TBL3: variants seen among roughly 807,000 people sequenced by gnomAD.
TBL3 encodes transducin beta like 3.
A neutral mutation model predicts 102.7 loss-of-function variants in TBL3; 71 were observed. The ratio of observed to expected loss-of-function variants is 0.69; its 90% confidence interval spans 0.57 to 0.84. The LOEUF (loss-of-function observed/expected upper bound fraction) is 0.84, where lower values mean the gene tolerates loss of function less well. Among genes scored for constraint, TBL3 ranks in the 40% least tolerant of loss-of-function variants. The probability of loss-of-function intolerance (pLI) is 0.00; values close to 1 mark genes in which losing one functional copy is unlikely to be tolerated. For synonymous variants in TBL3, 578 were observed against 477.7 expected (o/e 1.21, Z -2.74); for missense variants, 1,188 against 1,098.5 (o/e 1.08, Z -1.15).
In TBL3 at chr16:1,975,336, C is replaced by T. The variant is rs201960826; in HGVS notation, c.712-9C>T. ...CATGATAGCAGCCTGTGACCCAATT[C>T]GTCTCCAGAGCGTGGAGGCTGCTGT... On this transcript the variant is annotated splice_polypyrimidine_tract_variant and intron_variant, in intron 8 of 21. Transcript: ENST00000568546. The T allele has an allele frequency of 1.8e-4, 283 of 1,614,026 alleles. No individual in the cohort carries two copies. The highest frequency in any genetic ancestry group is 1.5e-3 in the Admixed American group (89 of 60,026).
At position 1,979,286 on chromosome 16, in the gene TBL3, G is replaced by A; in HGVS notation, c.*601G>A. 1.9e-6 allele frequency: 3 copies of A among 1,558,962 alleles called. No individual in the cohort carries two copies. Among genetic ancestry groups the A allele is most frequent in the Admixed American group, 1.8e-5 (1 of 55,088 alleles). On this transcript the variant is annotated 3_prime_UTR_variant, in exon 22 of 22. Coordinates refer to ENST00000568546, the MANE Select transcript of TBL3 (RefSeq NM_006453.3). ...CTCCACGGAACCCCGTCCCGCTCAG[G>A]AGAGCGCCCAGCCCTTCCGGCCGCA...
Position 1,980,793 on chromosome 16 carries a change from G to C in TBL3, c.*2108G>C, listed in dbSNP as rs1166229961. On this transcript the variant is annotated 3_prime_UTR_variant, in exon 22 of 22. Transcript: ENST00000568546. ...CCACTGTGCACCCTTGAGAGGGCGGGGTCCCTCACCCGGATGGCAGGGGCT... is the reference window on the plus strand; with the variant it reads ...CCACTGTGCACCCTTGAGAGGGCGGCGTCCCTCACCCGGATGGCAGGGGCT... 2 of 1,516,576 alleles carry C rather than the reference G, an allele frequency of 1.3e-6. No homozygotes were observed. The highest frequency in any genetic ancestry group is 3.8e-5 in the Admixed American group (2 of 52,172). 93.9% of individuals were successfully genotyped at this position (1,516,576 alleles called of 1,614,324 possible).
In TBL3 at chr16:1,979,581, A is replaced by C; in HGVS notation, c.*896A>C. ...GTGTTTGGAGTCACCGCGGGGCCAC[A>C]GAGGACGAGGCCCGCCCGCACCCTT... On this transcript the variant is annotated 3_prime_UTR_variant, in exon 22 of 22. Coordinates refer to ENST00000568546, the MANE Select transcript of TBL3 (RefSeq NM_006453.3). The C allele has an allele frequency of 6.6e-7, 1 of 1,524,702 alleles. No individual in the cohort carries two copies. Among genetic ancestry groups the C allele is most frequent in the Non-Finnish European group, 9.0e-7 (1 of 1,107,850 alleles). The allele number at this position is 1,524,702 out of a possible 1,614,324, so 94.4% of individuals were successfully genotyped here. A position where few individuals can be genotyped will look rare whatever the true frequency, so the allele number is the denominator to read the frequency against.
Position 1,975,278 on chromosome 16 carries a change from G to A in TBL3, c.711+16G>A. On this transcript the variant is annotated intron_variant, in intron 8 of 21. Transcript: ENST00000568546. ...TGTGTTTGAGGTGGGGATGCCTGGA[G>A]GCCAGGGCTGGTTGAGTTGGGTGGG... is the stretch of plus-strand genomic sequence containing the variant. The A allele has an allele frequency of 1.2e-6, 2 of 1,614,022 alleles. No individual in the cohort carries two copies. The highest frequency in any genetic ancestry group is 1.1e-5 in the South Asian group (1 of 91,090).
Position 1,978,745 on chromosome 16 carries a change from C to T in TBL3, c.*60C>T, listed in dbSNP as rs555212643. ...CTGGAAAACCCATAAAGGCCGCTCT[C>T]CTGGCCGGCTCTGTCTCTCTGGACT... On this transcript the variant is annotated 3_prime_UTR_variant, in exon 22 of 22. Coordinates refer to ENST00000568546, the MANE Select transcript of TBL3 (RefSeq NM_006453.3). 3.2e-6 allele frequency: 5 copies of T among 1,569,362 alleles called. No individual in the cohort carries two copies. In the African/African-American group the frequency reaches 5.4e-5, roughly 17 times the overall value.
rs563136222 is a variant in TBL3 at position 1,978,841 on chromosome 16, G to A, written c.*156G>A. 1 of 1,187,562 alleles carries A rather than the reference G, an allele frequency of 8.4e-7. No individual in the cohort carries two copies. The highest frequency in any genetic ancestry group is 1.2e-6 in the Non-Finnish European group (1 of 853,180). 73.6% of individuals were successfully genotyped at this position (1,187,562 alleles called of 1,614,324 possible). On this transcript the variant is annotated 3_prime_UTR_variant, in exon 22 of 22. Transcript: ENST00000568546. ...GAAGGGCACTGGAGCTGATGGTCTC[G>A]GCCCTGCCACGCCCATCCCGCACCC...
In TBL3 at chr16:1,974,686, C is replaced by T. The variant is rs938693416; in HGVS notation, c.379+7C>T. ...TCCACTCTGCTAGCCACAGGTAGGG[C>T]CCTGCCGTGCAGGTGGGTCGTGGGC... On this transcript the variant is annotated splice_region_variant and intron_variant, in intron 5 of 21. Transcript: ENST00000568546. 3 of 1,610,780 alleles carry T rather than the reference C, an allele frequency of 1.9e-6. No homozygotes were observed. Among genetic ancestry groups the T allele is most frequent in the South Asian group, 2.2e-5 (2 of 90,978 alleles).
rs571240063 is a variant in TBL3 at position 1,976,164 on chromosome 16, G to A, written c.1189-47G>A. 72 of 1,613,638 alleles carry A rather than the reference G, an allele frequency of 4.5e-5. No individual in the cohort carries two copies. The South Asian group carries it at 6.1e-4, about 14-fold the overall frequency. On this transcript the variant is annotated intron_variant, in intron 12 of 21. Coordinates refer to ENST00000568546, the MANE Select transcript of TBL3 (RefSeq NM_006453.3). ...CAGGGGCACCAGGCGGGGAGGCCAC[G>A]CAGTAGGCCCATGGACCAGCCTCTC...
intron 2 of TBL3, 39 bp from the exon 3 acceptor site, chr16:1,974,158 G>A (rs373680872): frequency 4.5e-6 from 7 of 1,563,326 alleles, no homozygotes; most frequent in South Asian, 2.3e-5. Flanking sequence ...GCCGCGGGGG[G>A]TGCTGAATGT....
Position 1,980,257 on chromosome 16 carries a change from C to T in TBL3, c.*1572C>T, listed in dbSNP as rs1293662104. 56 of 1,519,092 alleles carry T rather than the reference C, an allele frequency of 3.7e-5. No homozygotes were observed. The highest frequency in any genetic ancestry group is 4.9e-5 in the Non-Finnish European group (55 of 1,131,620). 94.1% of individuals were successfully genotyped at this position (1,519,092 alleles called of 1,614,324 possible). ...AACTGGGGGCGCCACCCCGGCAAGA[C>T]CGCCAGCCTCCCACTCTCTGCCCCT... On this transcript the variant is annotated 3_prime_UTR_variant, in exon 22 of 22. Coordinates refer to ENST00000568546, the MANE Select transcript of TBL3 (RefSeq NM_006453.3).
At chr16:1,978,083 C>T (rs371075360) in intron 19 of TBL3, 22 bp downstream of exon 19, 14 of 1,604,956 alleles carry the variant, frequency 8.7e-6, no homozygotes, top group African/African-American at 4.0e-5. Context: ...CCCCGGGGGG[C>T]GAGGGGCTGG....
intron 1 of TBL3, among the ~76,000 whole-genome samples, chr16:1,972,576 T>A (rs1442067456): frequency 6.6e-6 from 1 of 152,126 alleles, no homozygotes; most frequent in Non-Finnish European, 1.5e-5. Context: ...TGGGGACCTT[T>A]CATCCGCGAT....
In TBL3 at chr16:1,975,716, C is replaced by T. The variant is rs771697903; in HGVS notation, c.987+6C>T. 2.5e-5 allele frequency: 41 copies of T among 1,612,202 alleles called. No individual in the cohort carries two copies. The highest frequency in any genetic ancestry group is 3.3e-5 in the Non-Finnish European group (39 of 1,179,336). ...CCCTGCGGCTGCAGAAACAGGTGCA[C>T]ACCTGCCCTTGCTCAGTCTGGAGGC... On this transcript the variant is annotated splice_donor_region_variant and intron_variant, in intron 10 of 21. Coordinates refer to ENST00000568546, the MANE Select transcript of TBL3 (RefSeq NM_006453.3).
chr16:1,972,116 G>A lies in TBL3; in HGVS notation c.-49G>A. The A allele has an allele frequency of 6.8e-7, 1 of 1,468,140 alleles. No homozygotes were observed. The highest frequency in any genetic ancestry group is 9.0e-7 in the Non-Finnish European group (1 of 1,107,838). The allele number at this position is 1,468,140 out of a possible 1,614,324, so 90.9% of individuals were successfully genotyped here. On this transcript the variant is annotated 5_prime_UTR_variant, in exon 1 of 22. Transcript: ENST00000568546. ...GTGCTAACCTCCCTCACGCGGCGGT[G>A]GCTGCCGGGACCCTAGCAGGTTTCA...
rs370905485 is a variant in TBL3 at position 1,979,967 on chromosome 16, G to T, written c.*1282G>T. On this transcript the variant is annotated 3_prime_UTR_variant, in exon 22 of 22. Transcript: ENST00000568546. ...CTCCCTCGGGTCCAGGAGCAGAGGA[G>T]CAAATCCCTGGGTTCTTGGGGGGCC... The T allele has an allele frequency of 6.9e-6, 11 of 1,588,978 alleles. No homozygotes were observed. The highest frequency in any genetic ancestry group is 9.4e-6 in the Non-Finnish European group (11 of 1,168,448).
Position 1,975,267 on chromosome 16 carries a change from G to C in TBL3, c.711+5G>C, listed in dbSNP as rs777876358. 1 of 1,613,976 alleles carries C rather than the reference G, an allele frequency of 6.2e-7. No homozygotes were observed. The highest frequency in any genetic ancestry group is 8.5e-7 in the Non-Finnish European group (1 of 1,180,026). ...AGGACCGTGCCTGTGTTTGAGGTGG[G>C]GATGCCTGGAGGCCAGGGCTGGTTG... On this transcript the variant is annotated splice_donor_5th_base_variant and intron_variant, in intron 8 of 21. Coordinates refer to ENST00000568546, the MANE Select transcript of TBL3 (RefSeq NM_006453.3).
chr16:1,973,975 G>A, intron 1 of TBL3, 81 bp from the exon 2 acceptor site: 1 of 1,409,996 alleles, frequency 7.1e-7, no homozygotes, highest in South Asian at 1.6e-5. Flanking sequence ...GGGTCACTTG[G>A]AGAGGAGCAC....
chr16:1,973,841 AC>A (rs1203300893), intron 1 of TBL3, among the ~76,000 whole-genome samples: 3 of 152,134 alleles, frequency 2.0e-5, no homozygotes, highest in African/African-American at 7.2e-5. Context: ...CTCAGGGATC[AC>A]CAGCCAGCTG....
Position 1,977,345 on chromosome 16 carries a change from C to A in TBL3, c.1672-11C>A. The stretch of plus-strand genomic sequence containing the variant: ...CTGGTGACATCTCATGCCCTACCCC[C>A]CACCTTGCAGACATTTGAGGGGCAC... On this transcript the variant is annotated splice_polypyrimidine_tract_variant and intron_variant, in intron 15 of 21. Coordinates refer to ENST00000568546, the MANE Select transcript of TBL3 (RefSeq NM_006453.3). The A allele has an allele frequency of 1.2e-6, 2 of 1,613,550 alleles. No individual in the cohort carries two copies. Among genetic ancestry groups the A allele is most frequent in the South Asian group, 1.1e-5 (1 of 91,086 alleles).
Sources: allele counts gnomAD v4.1 joint callset (sites outside exome capture counted in the v4.1 genomes callset), GRCh38; gene constraint gnomAD v4.1.1; transcripts MANE v1.5; gene names NCBI Gene and HGNC (gene_info 2026-07-23, HGNC 2026-07-21).